CALD1: variants seen among roughly 807,000 people sequenced by gnomAD.
CALD1 encodes caldesmon.
Under a neutral mutation model 99.9 loss-of-function variants are expected in CALD1, and 33 were observed. That is an observed-to-expected ratio of 0.33 (90% CI 0.25 to 0.44). The LOEUF is 0.44. CALD1 is among the 20% of genes least tolerant of loss of function. The pLI is 1.00. For synonymous variants in CALD1, 310 were observed against 325.0 expected (o/e 0.95, Z 0.50); for missense variants, 861 against 962.1 (o/e 0.89, Z 1.39).
chr7:134,921,605 A>G (rs138119838), intron 3 of CALD1, among the ~76,000 whole-genome samples: 218 of 152,300 alleles, frequency 1.4e-3, no homozygotes, highest in African/African-American at 4.8e-3. Flanking sequence ...TGAGGTCAGG[A>G]GTTCGAGACC....
In CALD1 at chr7:134,810,787, C is replaced by T. The variant is rs574165398; in HGVS notation, c.-130+31038C>T. Reference sequence around the variant, plus strand: ...ATGCCTCCCATCCTCTTTTAGCTGACGATGCAGCAGCTAGGTGTGTGGGAG... The same window carrying T: ...ATGCCTCCCATCCTCTTTTAGCTGATGATGCAGCAGCTAGGTGTGTGGGAG... On this transcript the variant is annotated intron_variant, in intron 1 of 14. Transcript: ENST00000361675. Among the ~76,000 whole-genome samples the T allele has an allele frequency of 1.8e-4, 28 of 152,256 alleles. No individual in the cohort carries two copies. In the East Asian group the frequency reaches 4.4e-3, roughly 24 times the overall value.
chr7:134,850,238 G>A (rs1349288546), intron 2 of CALD1, among the ~76,000 whole-genome samples: 1 of 152,214 alleles, frequency 6.6e-6, no homozygotes, highest in Non-Finnish European at 1.5e-5. Flanking sequence ...CCTAGTAAGA[G>A]CATTTGTAGA....
chr7:134,883,344 C>T (rs980565785), intron 3 of CALD1, among the ~76,000 whole-genome samples: 1 of 152,148 alleles, frequency 6.6e-6, no homozygotes, highest in Non-Finnish European at 1.5e-5. Flanking sequence ...TTTGAAGTGA[C>T]TGTCGGCTAT....
At chr7:134,951,389 TC>T (rs1807327456) in intron 9 of CALD1, among the ~76,000 whole-genome samples, 1 of 152,254 alleles carries the variant, frequency 6.6e-6, no homozygotes, top group Non-Finnish European at 1.5e-5. Context: ...ATTTTACTGA[TC>T]CACATTCTCC....
rs548331649 is a variant in CALD1 at position 134,770,509 on chromosome 7, G to A, written c.-130+26146G>A. 3.3e-5 allele frequency among the ~76,000 whole-genome samples: 5 copies of A among 152,142 alleles called. No homozygotes were observed. In the South Asian group the frequency reaches 1.0e-3, roughly 32 times the overall value. On this transcript the variant is annotated intron_variant, in intron 1 of 13. Transcript: ENST00000417172. ...TCACTGGCAAGCCTCAGCATTCCTTGGCTTGTAGGTGTGTCGCTTCCATCC... is the reference window on the plus strand; with the variant it reads ...TCACTGGCAAGCCTCAGCATTCCTTAGCTTGTAGGTGTGTCGCTTCCATCC...
chr7:134,854,347 T>G (rs1800208855), intron 2 of CALD1, among the ~76,000 whole-genome samples: 1 of 152,238 alleles, frequency 6.6e-6, no homozygotes, highest in Non-Finnish European at 1.5e-5. Flanking sequence ...AAAGCATTCC[T>G]GTTTCTCCAC....
chr7:134,954,384 A>C (rs1487055105), intron 9 of CALD1, among the ~76,000 whole-genome samples: 2 of 152,214 alleles, frequency 1.3e-5, no homozygotes, highest in Non-Finnish European at 2.9e-5. Context: ...TTTTATCGAG[A>C]CAATACTGCC....
chr7:134,844,853 T>G (rs1034957129), intron 2 of CALD1, among the ~76,000 whole-genome samples: 2 of 152,290 alleles, frequency 1.3e-5, no homozygotes, highest in South Asian at 4.1e-4. Flanking sequence ...TTTCCTCTTC[T>G]TGTAAAAACA....
intron 1 of CALD1, among the ~76,000 whole-genome samples, chr7:134,785,863 C>T (rs1399391999): frequency 2.0e-5 from 3 of 152,186 alleles, no homozygotes; most frequent in South Asian, 4.1e-4. Flanking sequence ...TTGTGTTTCT[C>T]AAGGCAGCAG....
chr7:134,754,829 T>C (rs954292664), intron 1 of CALD1, among the ~76,000 whole-genome samples: 5 of 152,154 alleles, frequency 3.3e-5, no homozygotes, highest in Non-Finnish European at 5.9e-5. Context: ...ATAGCTTATA[T>C]GTGTGTGTGA....
At position 134,802,756 on chromosome 7, in the gene CALD1, C is replaced by G. The variant is rs148871481; in HGVS notation, c.-130+23007C>G. On this transcript the variant is annotated intron_variant, in intron 1 of 14. Transcript: ENST00000361675. Reference sequence around the variant, plus strand: ...GCATATCACTAGCCAGAGAAAAGATCAAAATCTGAAATTTGAAGTACACTG... The same window carrying G: ...GCATATCACTAGCCAGAGAAAAGATGAAAATCTGAAATTTGAAGTACACTG... Among the ~76,000 whole-genome samples the G allele has an allele frequency of 7.5e-3, 1,144 of 152,274 alleles. 18 individuals are homozygous for G. Among genetic ancestry groups the G allele is most frequent in the African/African-American group, 0.026 (1,075 of 41,556 alleles).
At chr7:134,792,358 C>T (rs760720366) in intron 1 of CALD1, among the ~76,000 whole-genome samples, 1 of 147,988 alleles carries the variant, frequency 6.8e-6, no homozygotes, top group Non-Finnish European at 1.5e-5. Context: ...AGTGCCATCT[C>T]GACTCACTGC....
At chr7:134,897,592 G>T (rs1171549647) in intron 3 of CALD1, among the ~76,000 whole-genome samples, 1 of 152,036 alleles carries the variant, frequency 6.6e-6, no homozygotes, top group African/African-American at 2.4e-5. Context: ...GGTATCTCTG[G>T]TCCCTGCCTT....
the CALD1 span, among the ~76,000 whole-genome samples, chr7:134,727,351 G>T: frequency 3.3e-4 from 50 of 152,320 alleles, 1 homozygote; most frequent in African/African-American, 1.1e-3. Flanking sequence ...CTAGTCACAT[G>T]CCCACACCCG....
the CALD1 span, among the ~76,000 whole-genome samples, chr7:134,719,616 T>G: frequency 6.6e-6 from 1 of 151,890 alleles, no homozygotes; most frequent in African/African-American, 2.4e-5. Context: ...ATAGGAGAGA[T>G]TTCTCCAAGC....
intron 1 of CALD1, among the ~76,000 whole-genome samples, chr7:134,804,359 T>C (rs1284685564): frequency 6.6e-6 from 1 of 152,268 alleles, no homozygotes; most frequent in Non-Finnish European, 1.5e-5. Context: ...CCAGGGTATC[T>C]GACAGGAATG....
intron 9 of CALD1, among the ~76,000 whole-genome samples, chr7:134,954,855 G>A (rs937524113): frequency 6.6e-6 from 1 of 152,204 alleles, no homozygotes. Flanking sequence ...CCCTTTCCTG[G>A]CTAAGCCATG....
At chr7:134,762,397 G>T (rs11760710) in intron 1 of CALD1, among the ~76,000 whole-genome samples, 1 of 152,084 alleles carries the variant, frequency 6.6e-6, no homozygotes, top group South Asian at 2.1e-4. Flanking sequence ...CCATGGGAGG[G>T]GAGGAGTGTT....
intron 1 of CALD1, among the ~76,000 whole-genome samples, chr7:134,816,684 G>A (rs2131970634): frequency 6.6e-6 from 1 of 152,196 alleles, no homozygotes; most frequent in Middle Eastern, 3.4e-3. Context: ...CAGGCGAATG[G>A]GTAAAATGTA....
Sources: allele counts gnomAD v4.1 joint callset (sites outside exome capture counted in the v4.1 genomes callset), GRCh38; gene constraint gnomAD v4.1.1; transcripts MANE v1.5; gene names NCBI Gene and HGNC (gene_info 2026-07-23, HGNC 2026-07-21).